NTN4: variants seen among roughly 807,000 people sequenced by gnomAD.
NTN4 encodes the protein netrin 4.
In NTN4, 32 loss-of-function variants were observed where a neutral mutation model predicts 73.6. That is an observed-to-expected ratio of 0.44 (90% CI 0.33 to 0.58). The LOEUF (loss-of-function observed/expected upper bound fraction) is 0.58, where lower values mean the gene tolerates loss of function less well. NTN4 is among the 20% of genes least tolerant of loss of function. NTN4 has a pLI of 0.04. For missense variants in NTN4, 654 were observed against 798.3 expected (o/e 0.82, Z 2.18); for synonymous variants, 258 against 287.5 (o/e 0.90, Z 1.04).
chr12:95,701,628 T>C (rs76549212), intron 5 of NTN4, among the ~76,000 whole-genome samples: 4,106 of 152,210 alleles, frequency 0.027, 175 homozygotes, highest in African/African-American at 0.093. Flanking sequence ...AAGAAATAAA[T>C]CTATTGGCTA....
At chr12:95,693,296 A>G (rs1434924829) in intron 5 of NTN4, among the ~76,000 whole-genome samples, 1 of 149,226 alleles carries the variant, frequency 6.7e-6, no homozygotes, top group African/African-American at 2.4e-5. Context: ...TTTTTTTTTT[A>G]AAGGAAACTA....
intron 3 of NTN4, among the ~76,000 whole-genome samples, chr12:95,736,778 T>G (rs987658838): frequency 1.3e-5 from 2 of 152,252 alleles, no homozygotes; most frequent in African/African-American, 2.4e-5. Context: ...TTTTGGTTAC[T>G]TTCTGGCTAC....
intron 5 of NTN4, among the ~76,000 whole-genome samples, chr12:95,707,082 G>C (rs1441047075): frequency 6.6e-6 from 1 of 152,222 alleles, no homozygotes; most frequent in African/African-American, 2.4e-5. Flanking sequence ...AGTTCAATAT[G>C]AATTGAGCTG....
intron 2 of NTN4, among the ~76,000 whole-genome samples, chr12:95,751,944 C>G (rs888741393): frequency 2.1e-5 from 3 of 145,344 alleles, no homozygotes; most frequent in African/African-American, 5.2e-5. Flanking sequence ...ATTAGGCTGA[C>G]GCTTTAACTA....
chr12:95,754,623 C>A (rs999197004), intron 2 of NTN4, among the ~76,000 whole-genome samples: 1 of 152,168 alleles, frequency 6.6e-6, no homozygotes, highest in African/African-American at 2.4e-5. Context: ...CCCACCTTAA[C>A]TGAGTGATTA....
chr12:95,705,161 T>C (rs976528024), intron 5 of NTN4, among the ~76,000 whole-genome samples: 2 of 152,196 alleles, frequency 1.3e-5, no homozygotes, highest in African/African-American at 2.4e-5. Flanking sequence ...AATTACCTTA[T>C]TATGTTTCAG....
intron 3 of NTN4, among the ~76,000 whole-genome samples, chr12:95,722,273 C>G (rs2078654122): frequency 6.6e-6 from 1 of 152,182 alleles, no homozygotes; most frequent in Admixed American, 6.5e-5. Context: ...AAAAGCGCAG[C>G]TTGGCCTTTT....
At chr12:95,750,373 C>G (rs2078897496) in intron 2 of NTN4, among the ~76,000 whole-genome samples, 1 of 152,104 alleles carries the variant, frequency 6.6e-6, no homozygotes, top group Non-Finnish European at 1.5e-5. Flanking sequence ...ATTCCTCCTT[C>G]TACTCCCTTG....
chr12:95,685,919 C>T (rs1400456751), intron 5 of NTN4, among the ~76,000 whole-genome samples: 2 of 151,926 alleles, frequency 1.3e-5, no homozygotes, highest in African/African-American at 4.8e-5. Context: ...GAAGGTTTCA[C>T]TCTGTCACCC....
At chr12:95,690,135 C>G (rs988737581) in intron 5 of NTN4, among the ~76,000 whole-genome samples, 1 of 152,156 alleles carries the variant, frequency 6.6e-6, no homozygotes, top group Non-Finnish European at 1.5e-5. Flanking sequence ...GACCCTTGAA[C>G]TGAATTAAAA....
intron 2 of NTN4, among the ~76,000 whole-genome samples, chr12:95,760,435 T>C (rs916189850): frequency 3.9e-5 from 6 of 152,194 alleles, no homozygotes; most frequent in East Asian, 1.9e-4. Flanking sequence ...ACTTCTCTTA[T>C]GTAGCTTTCT....
In NTN4 at chr12:95,727,817, G is replaced by A. The variant is rs148517923; in HGVS notation, c.864+10049C>T. 4.3e-4 allele frequency among the ~76,000 whole-genome samples: 66 copies of A among 152,256 alleles called. 1 individual carries two copies. Among genetic ancestry groups the A allele is most frequent in the African/African-American group, 1.5e-3 (64 of 41,556 alleles). On this transcript the variant is annotated intron_variant, in intron 3 of 9. Coordinates refer to ENST00000343702, the MANE Select transcript of NTN4 (RefSeq NM_021229.4). ...CCCACCTGAATTTTAGGTTCAGCTG[G>A]TCCATTTCTGCAAAAAGGGCAGCTA...
intron 8 of NTN4, among the ~76,000 whole-genome samples, chr12:95,669,383 A>G (rs2078208893): frequency 6.6e-6 from 1 of 152,140 alleles, no homozygotes. Flanking sequence ...AGATAGGGGT[A>G]TCTAGAGTAT....
intron 2 of NTN4, among the ~76,000 whole-genome samples, chr12:95,785,968 C>T (rs1302389511): frequency 6.6e-6 from 1 of 152,096 alleles, no homozygotes; most frequent in African/African-American, 2.4e-5. Flanking sequence ...TCTCTGGCCT[C>T]CACCCACTAG....
intron 2 of NTN4, among the ~76,000 whole-genome samples, chr12:95,786,158 G>A (rs2079165831): frequency 6.6e-6 from 1 of 152,106 alleles, no homozygotes; most frequent in Non-Finnish European, 1.5e-5. Flanking sequence ...TCCTGAATCA[G>A]TATTTCTTCA....
At chr12:95,763,364 G>A (rs7302432) in intron 2 of NTN4, among the ~76,000 whole-genome samples, 88,495 of 152,102 alleles carry the variant, frequency 0.58, 26,167 homozygotes, top group East Asian at 0.68. Context: ...ATCAGGCAGC[G>A]TGTTTCAGTT....
chr12:95,683,977 G>C (rs2078340371), intron 5 of NTN4, among the ~76,000 whole-genome samples: 1 of 152,184 alleles, frequency 6.6e-6, no homozygotes, highest in African/African-American at 2.4e-5. Context: ...CCCTTTGGTT[G>C]GGGTGATGAG....
intron 5 of NTN4, among the ~76,000 whole-genome samples, chr12:95,699,727 A>C (rs2078469080): frequency 6.6e-6 from 1 of 152,176 alleles, no homozygotes; most frequent in Non-Finnish European, 1.5e-5. Flanking sequence ...ATCTTGGTAA[A>C]TGCTTGGTTT....
At chr12:95,733,935 T>C (rs2078756769) in intron 3 of NTN4, among the ~76,000 whole-genome samples, 1 of 151,818 alleles carries the variant, frequency 6.6e-6, no homozygotes, top group Admixed American at 6.6e-5. Context: ...CCAGGCATGG[T>C]GGTGCATGCC....
Sources: allele counts gnomAD v4.1 joint callset (sites outside exome capture counted in the v4.1 genomes callset), GRCh38; gene constraint gnomAD v4.1.1; transcripts MANE v1.5; gene names NCBI Gene and HGNC (gene_info 2026-07-23, HGNC 2026-07-21).